CHRDL2: variants seen among roughly 807,000 people sequenced by gnomAD.
CHRDL2 encodes the protein chordin-like protein 2.
A neutral mutation model predicts 54.3 loss-of-function variants in CHRDL2; 41 were observed. The observed-to-expected ratio is 0.76, with a 90% CI of 0.59 to 0.98. The LOEUF (loss-of-function observed/expected upper bound fraction) is 0.98. Among genes scored for constraint, CHRDL2 ranks in the 50% least tolerant of loss-of-function variants. The pLI is 0.00. For synonymous variants in CHRDL2, 220 were observed against 224.3 expected, an observed-to-expected ratio of 0.98 and a Z score of 0.17; for missense variants, 518 against 562.4, an observed-to-expected ratio of 0.92 and a Z score of 0.80.
At chr11:74,696,618 G>GT (rs2033601902) in intron 10 of CHRDL2, 33 bp from the exon 11 acceptor site, 2 of 1,491,880 alleles carry the variant, frequency 1.3e-6, no homozygotes, top group Non-Finnish European at 1.9e-6. Flanking sequence ...GGGAAGAGGC[G>GT]TATGTGTCTG....
chr11:74,717,970 G>GAATTCT (rs1565156973), intron 2 of CHRDL2, among the ~76,000 whole-genome samples: 1 of 152,180 alleles, frequency 6.6e-6, no homozygotes, highest in Non-Finnish European at 1.5e-5. Flanking sequence ...GACCACATGG[G>GAATTCT]GGTCTCATTT....
At chr11:74,725,156 C>A (rs1205396483) in intron 1 of CHRDL2, among the ~76,000 whole-genome samples, 1 of 152,142 alleles carries the variant, frequency 6.6e-6, no homozygotes, top group Non-Finnish European at 1.5e-5. Flanking sequence ...CCACGCCCAG[C>A]TAATTTTTGT....
rs770986713 is a variant in CHRDL2, at chr11:74,708,445, C to T, written c.433-50G>A. 9 of 1,383,806 alleles carry T rather than the reference C, an allele frequency of 6.5e-6. No individual in the cohort carries two copies. The South Asian group carries it at 1.0e-4, about 16-fold the overall frequency. The allele number at this position is 1,383,806 out of a possible 1,614,324, so 85.7% of individuals were successfully genotyped here. A position where few individuals can be genotyped will look rare whatever the true frequency, so the allele number is the denominator to read the frequency against. ...GGAAATGAGCTCTGATAAGGGCTAG[C>T]CTTGGGGGCTAGGAACACCCCCTTC... On this transcript the variant is annotated intron_variant, in intron 4 of 10. Coordinates refer to ENST00000376332, the MANE Select transcript of CHRDL2 (RefSeq NM_001278473.3).
chr11:74,721,062 C>T (rs1279140595), intron 1 of CHRDL2, among the ~76,000 whole-genome samples: 3 of 152,192 alleles, frequency 2.0e-5, no homozygotes, highest in Admixed American at 6.5e-5. Flanking sequence ...GATTAAAGTT[C>T]GCCTCTCACA....
chr11:74,713,586 G>T, intron 2 of CHRDL2, 107 bp from the exon 3 acceptor site: 1 of 813,746 alleles, frequency 1.2e-6, no homozygotes, highest in Non-Finnish European at 2.0e-6. Flanking sequence ...TGAACTTGTC[G>T]TAAGCCTGTG....
At chr11:74,708,479 CA>C in intron 4 of CHRDL2, 84 bp from the exon 5 acceptor site, 1 of 1,050,886 alleles carries the variant, frequency 9.5e-7, no homozygotes. Context: ...TCCCTGGGAG[CA>C]AATGGCCTTG....
At chr11:74,724,101 G>A (rs964879767) in intron 1 of CHRDL2, among the ~76,000 whole-genome samples, 13 of 152,214 alleles carry the variant, frequency 8.5e-5, no homozygotes, top group African/African-American at 2.9e-4. Flanking sequence ...TCTGACAAAC[G>A]CTATGATGGC....
chr11:74,700,738 T>C (rs1489078610), intron 9 of CHRDL2, among the ~76,000 whole-genome samples: 3 of 151,788 alleles, frequency 2.0e-5, no homozygotes, highest in Non-Finnish European at 4.4e-5. Flanking sequence ...GCTCAAGTGA[T>C]TCTCCTTCCT....
At chr11:74,729,578 C>T (rs1214827794) in intron 1 of CHRDL2, among the ~76,000 whole-genome samples, 1 of 152,198 alleles carries the variant, frequency 6.6e-6, no homozygotes, top group South Asian at 2.1e-4. Flanking sequence ...ACTCAGCCTG[C>T]TCTCATGAGC....
In CHRDL2 at chr11:74,700,014, C is replaced by A. The variant is rs146545260; in HGVS notation, c.1121-2717G>T. ...GGCCATGAGCTATGCCCCCACTGTG[C>A]CATCCTGGCACACCTTGGCCATCCT... On this transcript the variant is annotated intron_variant, in intron 9 of 10. Transcript: ENST00000376332. Among the ~76,000 whole-genome samples the A allele has an allele frequency of 7.9e-5, 12 of 152,358 alleles. 1 individual carries two copies. The East Asian group carries it at 2.3e-3, about 29-fold the overall frequency.
intron 6 of CHRDL2, among the ~76,000 whole-genome samples, chr11:74,706,002 C>T (rs148387170): frequency 1.4e-3 from 210 of 152,262 alleles, no homozygotes; most frequent in African/African-American, 4.7e-3. Context: ...CCTCTCAGAT[C>T]AGAGACAGCT....
Position 74,730,967 on chromosome 11 carries a change from G to A in CHRDL2, c.-79C>T, listed in dbSNP as rs532709438. The A allele has an allele frequency of 4.2e-5, 51 of 1,216,242 alleles. No individual in the cohort carries two copies. The South Asian group carries it at 6.6e-4, about 16-fold the overall frequency. The allele number at this position is 1,216,242 out of a possible 1,614,324, so 75.3% of individuals were successfully genotyped here. A position where few individuals can be genotyped will look rare whatever the true frequency, so the allele number is the denominator to read the frequency against. On this transcript the variant is annotated 5_prime_UTR_variant, in exon 1 of 11. Transcript: ENST00000376332. ...ACGAAAAGGACACGGAGGCACAGGGGCCACAGATCAACCCACAGACCCCAG... is the reference window on the plus strand; with the variant it reads ...ACGAAAAGGACACGGAGGCACAGGGACCACAGATCAACCCACAGACCCCAG...
chr11:74,696,469 A>C lies in CHRDL2; in HGVS notation c.*40T>G, dbSNP rs754024812. On this transcript the variant is annotated 3_prime_UTR_variant, in exon 11 of 11. Transcript: ENST00000376332. Reference sequence around the variant, plus strand: ...TTCTTATTTATTAATATATAATAACAACAATTATACAGCTCATATCTGCAA... The same window carrying C: ...TTCTTATTTATTAATATATAATAACCACAATTATACAGCTCATATCTGCAA... The C allele has an allele frequency of 1.3e-6, 2 of 1,507,852 alleles. No homozygotes were observed. The highest frequency in any genetic ancestry group is 2.3e-5 in the South Asian group (2 of 88,496). The allele number at this position is 1,507,852 out of a possible 1,614,324, so 93.4% of individuals were successfully genotyped here. A position where few individuals can be genotyped will look rare whatever the true frequency, so the allele number is the denominator to read the frequency against.
chr11:74,725,720 C>T (rs1471960956), intron 1 of CHRDL2, among the ~76,000 whole-genome samples: 3 of 152,100 alleles, frequency 2.0e-5, no homozygotes, highest in Non-Finnish European at 4.4e-5. Context: ...GGAGGCTGGT[C>T]AAGACCTTGG....
intron 2 of CHRDL2, among the ~76,000 whole-genome samples, chr11:74,717,163 A>G (rs2034382460): frequency 1.3e-5 from 2 of 152,088 alleles, no homozygotes; most frequent in Admixed American, 1.3e-4. Context: ...AGGGGGGGAA[A>G]CAGGAAGACC....
At chr11:74,699,160 A>C (rs1025163114) in intron 9 of CHRDL2, 9 of 152,280 alleles carry the variant, frequency 5.9e-5, no homozygotes, top group Admixed American at 2.6e-4. Context: ...ATGAGATGAG[A>C]TGGGGATGGG....
At chr11:74,714,869 T>C (rs2034300940) in intron 2 of CHRDL2, among the ~76,000 whole-genome samples, 1 of 152,060 alleles carries the variant, frequency 6.6e-6, no homozygotes, top group Non-Finnish European at 1.5e-5. Flanking sequence ...TGGAGACAGG[T>C]TAGCGGTGAA....
At chr11:74,729,605 C>T (rs369021785) in intron 1 of CHRDL2, among the ~76,000 whole-genome samples, 6 of 152,312 alleles carry the variant, frequency 3.9e-5, no homozygotes, top group African/African-American at 1.4e-4. Flanking sequence ...AAGACCGTAA[C>T]AAAGTCCAGC....
Position 74,696,541 on chromosome 11 carries a change from T to C in CHRDL2, c.1258A>G (p.Thr420Ala), listed in dbSNP as rs191985158. 1 of 1,614,174 alleles carries C rather than the reference T, an allele frequency of 6.2e-7. No individual in the cohort carries two copies. The highest frequency in any genetic ancestry group is 2.2e-5 in the East Asian group (1 of 44,888). ...FLAQTLELKVTASPDKVTKT is the reference protein window; with the variant it reads ...FLAQTLELKVAASPDKVTKT ...TTGGTCACTTTGTCTGGACTGGCCGTGACCTTCAGCTCCAGGGTCTGGGCT... is the reference window on the plus strand; with the variant it reads ...TTGGTCACTTTGTCTGGACTGGCCGCGACCTTCAGCTCCAGGGTCTGGGCT... The change falls in exon 11 of 11, where the codon ACG (threonine) becomes GCG (alanine). Residue 420 changes from threonine to alanine, a missense_variant. Coordinates refer to ENST00000376332, the MANE Select transcript of CHRDL2 (RefSeq NM_001278473.3).
Sources: allele counts gnomAD v4.1 joint callset (sites outside exome capture counted in the v4.1 genomes callset), GRCh38; gene constraint gnomAD v4.1.1; transcripts MANE v1.5; gene names NCBI Gene and HGNC (gene_info 2026-07-23, HGNC 2026-07-21).